The following CADM2 variants were observed in gnomAD, a reference collection of about 807,000 sequenced individuals.
The protein encoded by CADM2 is cell adhesion molecule 2, also known as immunoglobulin superfamily member 4D.
In CADM2, 12 loss-of-function variants were observed where a neutral mutation model predicts 49.8. The ratio of observed to expected loss-of-function variants is 0.24; its 90% CI spans 0.15 to 0.39. The LOEUF is 0.39. Among genes scored for constraint, CADM2 ranks in the 10% least tolerant of loss-of-function variants. The pLI is 1.00. For missense variants in CADM2, 378 were observed against 492.3 expected, an observed-to-expected ratio of 0.77 and a Z score of 2.20; for synonymous variants, 214 against 175.4, an observed-to-expected ratio of 1.22 and a Z score of -1.74.
intron 7 of CADM2, among the ~76,000 whole-genome samples, chr3:85,951,609 A>G (rs925928593): frequency 6.6e-6 from 1 of 151,044 alleles, no homozygotes; most frequent in African/African-American, 2.4e-5. Flanking sequence ...TCTTAATGAC[A>G]TTAATGATAA....
At chr3:85,495,344 T>C (rs1480374344) in intron 1 of CADM2, among the ~76,000 whole-genome samples, 1 of 152,172 alleles carries the variant, frequency 6.6e-6, no homozygotes, top group East Asian at 1.9e-4. Flanking sequence ...GATGAACCCC[T>C]AAATCATTTA....
intron 8 of CADM2, among the ~76,000 whole-genome samples, chr3:85,978,169 G>T (rs922760288): frequency 9.3e-5 from 14 of 150,258 alleles, no homozygotes; most frequent in Non-Finnish European, 1.8e-4. Context: ...CTTTAGACAA[G>T]ATTTGACTCT....
chr3:85,028,537 T>A (rs1273843966), intron 1 of CADM2, among the ~76,000 whole-genome samples: 1 of 152,186 alleles, frequency 6.6e-6, no homozygotes, highest in Non-Finnish European at 1.5e-5. Flanking sequence ...TATCTTAAAG[T>A]ACAAATTTAT....
At chr3:85,651,100 G>A (rs2065030268) in intron 1 of CADM2, among the ~76,000 whole-genome samples, 1 of 151,724 alleles carries the variant, frequency 6.6e-6, no homozygotes, top group African/African-American at 2.4e-5. Flanking sequence ...CATTTCCTCA[G>A]GGCTACAACA....
At chr3:85,706,277 A>C (rs928201745) in intron 1 of CADM2, among the ~76,000 whole-genome samples, 1 of 152,210 alleles carries the variant, frequency 6.6e-6, no homozygotes, top group Non-Finnish European at 1.5e-5. Context: ...TTACTTTTAG[A>C]TAATTAAAGC....
intron 1 of CADM2, among the ~76,000 whole-genome samples, chr3:85,629,312 C>T (rs899108586): frequency 1.3e-5 from 2 of 151,554 alleles, no homozygotes; most frequent in Admixed American, 6.6e-5. Flanking sequence ...AAATGGAGGA[C>T]GAAGCCTACT....
intron 3 of CADM2, among the ~76,000 whole-genome samples, chr3:85,847,451 T>C (rs2108281195): frequency 6.6e-6 from 1 of 152,294 alleles, no homozygotes; most frequent in East Asian, 1.9e-4. Flanking sequence ...GAATTGAAGC[T>C]TTAAAGTTTT....
chr3:85,801,121 A>G (rs1480252368), intron 2 of CADM2, among the ~76,000 whole-genome samples: 1 of 152,210 alleles, frequency 6.6e-6, no homozygotes. Flanking sequence ...CAGACTTAGC[A>G]GAGTTTATCT....
intron 1 of CADM2, among the ~76,000 whole-genome samples, chr3:85,017,825 T>G (rs1466536914): frequency 6.6e-6 from 1 of 152,202 alleles, no homozygotes; most frequent in Non-Finnish European, 1.5e-5. Context: ...TTAGGTTAAT[T>G]ATCTTAATGA....
At chr3:85,350,953 A>T (rs963595243) in intron 1 of CADM2, among the ~76,000 whole-genome samples, 1 of 152,202 alleles carries the variant, frequency 6.6e-6, no homozygotes, top group Non-Finnish European at 1.5e-5. Context: ...ATGATCAAAC[A>T]GAAAACATTT....
chr3:85,662,639 T>C (rs2065444743), intron 1 of CADM2, among the ~76,000 whole-genome samples: 2 of 152,048 alleles, frequency 1.3e-5, no homozygotes, highest in African/African-American at 2.4e-5. Context: ...GTACATGCTG[T>C]TCTTTGCCTG....
At chr3:85,106,363 G>A (rs1011349016) in intron 1 of CADM2, among the ~76,000 whole-genome samples, 117 of 152,126 alleles carry the variant, frequency 7.7e-4, no homozygotes, top group African/African-American at 2.8e-3. Flanking sequence ...AATAGCTAAG[G>A]AGGAACAGAT....
chr3:85,650,599 G>A (rs1409892409), intron 1 of CADM2, among the ~76,000 whole-genome samples: 1 of 151,368 alleles, frequency 6.6e-6, no homozygotes, highest in Non-Finnish European at 1.5e-5. Flanking sequence ...TGCAGCATTG[G>A]TGTAACCTAG....
At chr3:85,637,527 G>A (rs940902956) in intron 1 of CADM2, among the ~76,000 whole-genome samples, 13 of 148,248 alleles carry the variant, frequency 8.8e-5, no homozygotes, top group Non-Finnish European at 1.6e-4. Context: ...GCGTGAACCC[G>A]GGAAGCGGAG....
intron 1 of CADM2, among the ~76,000 whole-genome samples, chr3:85,650,507 GAAA>G (rs35050516): frequency 7.0e-6 from 1 of 141,994 alleles, no homozygotes; most frequent in Non-Finnish European, 1.5e-5. Context: ...TAAGTGATCA[GAAA>G]AAAAAAAAAA....
intron 1 of CADM2, among the ~76,000 whole-genome samples, chr3:85,045,922 G>T (rs2035636356): frequency 6.6e-6 from 1 of 152,026 alleles, no homozygotes; most frequent in African/African-American, 2.4e-5. Context: ...TCCCTAAGTA[G>T]ACATCTTAGG....
chr3:84,987,672 G>C (rs1335654331), intron 1 of CADM2, among the ~76,000 whole-genome samples: 1 of 152,092 alleles, frequency 6.6e-6, no homozygotes, highest in Non-Finnish European at 1.5e-5. Flanking sequence ...CGATTTTGTT[G>C]ATTATGCAAC....
chr3:85,841,867 C>T (rs1270517978), intron 3 of CADM2, among the ~76,000 whole-genome samples: 2 of 151,746 alleles, frequency 1.3e-5, no homozygotes, highest in African/African-American at 4.8e-5. Flanking sequence ...TGTAATTTGT[C>T]TAATTTCCTT....
chr3:85,144,632 G>GAAAGAAAGAAAGAAAGAAAGAAAGA (rs2039682271), intron 1 of CADM2, among the ~76,000 whole-genome samples: 1 of 150,724 alleles, frequency 6.6e-6, no homozygotes, highest in African/African-American at 2.4e-5. Flanking sequence ...AAGAAAGAAA[G>GAAAGAAAGAAAGAAAGAAAGAAAGA]AAAGAAAGAA....
Sources: allele counts gnomAD v4.1 joint callset (sites outside exome capture counted in the v4.1 genomes callset), GRCh38; gene constraint gnomAD v4.1.1; transcripts MANE v1.5; gene names NCBI Gene and HGNC (gene_info 2026-07-23, HGNC 2026-07-21).